Variants in HACD3 observed in about 807,000 individuals in gnomAD.
The protein encoded by HACD3 is 3-hydroxyacyl-CoA dehydratase 3.
Under a neutral mutation model 55.2 loss-of-function variants are expected in HACD3, and 30 were observed. That is an observed-to-expected ratio of 0.54 (90% confidence interval 0.41 to 0.74). The LOEUF is 0.74. Ranked by LOEUF, HACD3 falls within the 30% of genes least tolerant of loss-of-function variation. The pLI is 0.00. For synonymous variants in HACD3, 141 were observed against 151.7 expected (o/e 0.93, Z 0.52); for missense variants, 363 against 440.1 (o/e 0.82, Z 1.57).
Position 65,572,381 on chromosome 15 carries a change from T to C in HACD3, c.1012+15T>C. 1 of 1,558,340 alleles carries C rather than the reference T, an allele frequency of 6.4e-7. No individual in the cohort carries two copies. The highest frequency in any genetic ancestry group is 8.7e-7 in the Non-Finnish European group (1 of 1,147,728). On this transcript the variant is annotated intron_variant, in intron 10 of 10. Coordinates refer to ENST00000261875, the MANE Select transcript of HACD3 (RefSeq NM_016395.4). ...GATATTTTTAGGTAAGTATTGATTC[T>C]TTAATACAGACTTTTTCTTGTCACT... is the stretch of plus-strand genomic sequence containing the variant.
At chr15:65,533,147 C>A (rs1447813413) in intron 1 of HACD3, among the ~76,000 whole-genome samples, 1 of 152,176 alleles carries the variant, frequency 6.6e-6, no homozygotes, top group East Asian at 1.9e-4. Flanking sequence ...TGCCCAAAGG[C>A]CACCAATAAC....
intron 3 of HACD3, among the ~76,000 whole-genome samples, chr15:65,556,465 G>C (rs1167469889): frequency 6.6e-6 from 1 of 152,088 alleles, no homozygotes; most frequent in African/African-American, 2.4e-5. Context: ...AAGTGATGGA[G>C]AGCGAGTCTA....
At chr15:65,565,728 C>T (rs924819680) in intron 7 of HACD3, 6 of 152,218 alleles carry the variant, frequency 3.9e-5, no homozygotes, top group Non-Finnish European at 7.3e-5. Context: ...GTTACATTTT[C>T]CCCATGGTCT....
At chr15:65,553,684 G>A (rs2072157961) in intron 2 of HACD3, among the ~76,000 whole-genome samples, 1 of 152,202 alleles carries the variant, frequency 6.6e-6, no homozygotes, top group Non-Finnish European at 1.5e-5. Context: ...AGCATATCTT[G>A]CCACTTAGAC....
chr15:65,561,137 G>A (rs1189847385), intron 5 of HACD3, among the ~76,000 whole-genome samples: 1 of 152,066 alleles, frequency 6.6e-6, no homozygotes, highest in African/African-American at 2.4e-5. Context: ...TGACCTTAAA[G>A]AAATTCCAGA....
intron 7 of HACD3, among the ~76,000 whole-genome samples, chr15:65,568,917 C>T (rs1239382181): frequency 4.6e-5 from 7 of 152,030 alleles, no homozygotes; most frequent in East Asian, 1.9e-4. Context: ...TGTCTTGCCA[C>T]GTGAAAATGA....
chr15:65,537,759 C>T (rs1387140991), intron 1 of HACD3, among the ~76,000 whole-genome samples: 1 of 132,468 alleles, frequency 7.5e-6, no homozygotes, highest in Admixed American at 8.5e-5. Flanking sequence ...CACCACTGCA[C>T]TCCAGCCTGG....
At chr15:65,531,773 C>T (rs534613610) in intron 1 of HACD3, among the ~76,000 whole-genome samples, 49 of 152,108 alleles carry the variant, frequency 3.2e-4, no homozygotes, top group African/African-American at 1.2e-3. Context: ...ACCATGTTGG[C>T]CAGGCTGGTC....
intron 7 of HACD3, among the ~76,000 whole-genome samples, chr15:65,569,043 C>T (rs532037690): frequency 2.6e-5 from 4 of 151,056 alleles, no homozygotes; most frequent in East Asian, 4.0e-4. Flanking sequence ...GTCAGGAGAT[C>T]GAGACCATCC....
At chr15:65,556,315 C>G (rs2072187927) in intron 3 of HACD3, among the ~76,000 whole-genome samples, 1 of 152,180 alleles carries the variant, frequency 6.6e-6, no homozygotes, top group Non-Finnish European at 1.5e-5. Context: ...GAGACAGTGA[C>G]AGATCATCAG....
chr15:65,536,840 A>G (rs951845430), intron 1 of HACD3, among the ~76,000 whole-genome samples: 11 of 152,192 alleles, frequency 7.2e-5, no homozygotes, highest in Non-Finnish European at 5.9e-5. Flanking sequence ...AAAGCTAGAA[A>G]TCATTAAGCT....
intron 1 of HACD3, among the ~76,000 whole-genome samples, chr15:65,542,295 ACT>A (rs1053032102): frequency 5.3e-5 from 8 of 150,238 alleles, no homozygotes; most frequent in African/African-American, 2.0e-4. Flanking sequence ...ACAGGGTCTC[ACT>A]CTGTCACCCA....
chr15:65,550,396 A>G (rs2072120823), intron 1 of HACD3, among the ~76,000 whole-genome samples: 1 of 152,158 alleles, frequency 6.6e-6, no homozygotes, highest in Admixed American at 6.6e-5. Flanking sequence ...AGAAAATATT[A>G]AACAAGTTCA....
Position 65,577,639 on chromosome 15 carries a change from T to C in HACD3, c.*1260T>C, listed in dbSNP as rs2072420389. 1 of 152,242 alleles carries C rather than the reference T, an allele frequency of 6.6e-6. No individual in the cohort carries two copies. Among genetic ancestry groups the C allele is most frequent in the South Asian group, 2.1e-4 (1 of 4,834 alleles). The allele number at this position is 152,242 out of a possible 1,614,324, so 9.4% of individuals were successfully genotyped here. A position where few individuals can be genotyped will look rare whatever the true frequency, so the allele number is the denominator to read the frequency against. On this transcript the variant is annotated 3_prime_UTR_variant, in exon 11 of 11. Transcript: ENST00000261875. Reference sequence around the variant, plus strand: ...TAAAAAATGGCAGCCTTCCATCTCCTGCACTGGCTGAGTCCATTTACTTGT... The same window carrying C: ...TAAAAAATGGCAGCCTTCCATCTCCCGCACTGGCTGAGTCCATTTACTTGT...
intron 6 of HACD3, among the ~76,000 whole-genome samples, 176 bp from the exon 7 acceptor site, chr15:65,564,039 C>G (rs1240540368): frequency 6.6e-6 from 1 of 151,908 alleles, no homozygotes; most frequent in African/African-American, 2.4e-5. Flanking sequence ...GCTTACTATT[C>G]ATGACCCCAT....
intron 1 of HACD3, among the ~76,000 whole-genome samples, chr15:65,547,186 G>A (rs1040584408): frequency 6.6e-6 from 1 of 151,724 alleles, no homozygotes; most frequent in African/African-American, 2.4e-5. Flanking sequence ...GCCTGATCTC[G>A]GCTCACTGCA....
chr15:65,531,809 AC>A (rs1342011590), intron 1 of HACD3, among the ~76,000 whole-genome samples: 1 of 151,762 alleles, frequency 6.6e-6, no homozygotes, highest in Non-Finnish European at 1.5e-5. Flanking sequence ...CAGGTGATCC[AC>A]CCGTCTCGGC....
intron 1 of HACD3, among the ~76,000 whole-genome samples, chr15:65,538,542 TG>T (rs2071986703): frequency 6.6e-6 from 1 of 152,222 alleles, no homozygotes. Flanking sequence ...TTTATTGAGA[TG>T]GAATCTATTT....
intron 7 of HACD3, chr15:65,564,616 G>A (rs774904208): frequency 5.9e-6 from 2 of 341,198 alleles, no homozygotes; most frequent in African/African-American, 2.2e-5. Flanking sequence ...ATCAGATCTC[G>A]TGAGACTTAT....
Sources: allele counts gnomAD v4.1 joint callset (sites outside exome capture counted in the v4.1 genomes callset), GRCh38; gene constraint gnomAD v4.1.1; transcripts MANE v1.5; gene names NCBI Gene and HGNC (gene_info 2026-07-23, HGNC 2026-07-21).